The following CCDC91 variants were observed in gnomAD, a reference collection of about 807,000 sequenced individuals.
CCDC91 encodes the protein coiled-coil domain-containing protein 91.
CCDC91 carries 48 observed loss-of-function variants against 63.2 expected under a neutral mutation model. The ratio of observed to expected loss-of-function variants is 0.76; its 90% CI spans 0.60 to 0.97. CCDC91 has a LOEUF of 0.97. CCDC91 is among the 50% of genes least tolerant of loss of function. CCDC91 has a pLI of 0.00. For synonymous variants in CCDC91, 167 were observed against 165.8 expected (o/e 1.01, Z -0.06); for missense variants, 500 against 494.6 (o/e 1.01, Z -0.10).
chr12:28,308,395 T>G (rs1938968015), intron 6 of CCDC91, among the ~76,000 whole-genome samples: 1 of 152,030 alleles, frequency 6.6e-6, no homozygotes, highest in South Asian at 2.1e-4. Flanking sequence ...TTTTTGTCAC[T>G]GCCCACGTGC....
chr12:28,480,498 C>G (rs368818315), intron 11 of CCDC91, among the ~76,000 whole-genome samples: 10 of 152,026 alleles, frequency 6.6e-5, no homozygotes, highest in Non-Finnish European at 1.5e-4. Flanking sequence ...ATTTTTTACA[C>G]AAAGTAGGTA....
intron 12 of CCDC91, among the ~76,000 whole-genome samples, chr12:28,516,571 T>TC (rs1267647302): frequency 6.6e-6 from 1 of 151,860 alleles, no homozygotes; most frequent in Non-Finnish European, 1.5e-5. Flanking sequence ...GCCACTGTAC[T>TC]CCAGCCTGGG....
intron 11 of CCDC91, among the ~76,000 whole-genome samples, chr12:28,468,603 A>AT (rs1326746140): frequency 6.6e-6 from 1 of 151,996 alleles, no homozygotes; most frequent in Non-Finnish European, 1.5e-5. Flanking sequence ...TGAGGCCAGT[A>AT]TTACCCAATA....
chr12:28,447,819 AGGGAG>A (rs1565988646), intron 8 of CCDC91, among the ~76,000 whole-genome samples: 5 of 3,338 alleles, frequency 1.5e-3, no homozygotes, highest in Non-Finnish European at 2.8e-3. Context: ...AGGGAGGGGA[AGGGAG>A]GGGAGGGGAG....
intron 8 of CCDC91, among the ~76,000 whole-genome samples, chr12:28,449,706 AT>A (rs1204026575): frequency 2.6e-5 from 4 of 151,810 alleles, no homozygotes; most frequent in Admixed American, 2.0e-4. Context: ...AAATCTTTCA[AT>A]TTTTTTTAAC....
intron 6 of CCDC91, among the ~76,000 whole-genome samples, chr12:28,355,082 T>A (rs573161225): frequency 2.5e-4 from 38 of 152,226 alleles, no homozygotes; most frequent in African/African-American, 8.2e-4. Context: ...TCTTCCTACA[T>A]CGTTTTCTTC....
At chr12:28,402,086 A>G (rs1946657185) in intron 8 of CCDC91, among the ~76,000 whole-genome samples, 1 of 152,132 alleles carries the variant, frequency 6.6e-6, no homozygotes, top group South Asian at 2.1e-4. Flanking sequence ...CAGCATTGGC[A>G]TTATTGACAT....
intron 6 of CCDC91, among the ~76,000 whole-genome samples, chr12:28,358,377 G>A (rs1238233786): frequency 6.6e-6 from 1 of 152,192 alleles, no homozygotes; most frequent in African/African-American, 2.4e-5. Context: ...TCTCTCTGAT[G>A]AAGAAGGAAA....
At position 28,510,739 on chromosome 12, in the gene CCDC91, T is replaced by TTGAA. The variant is rs1939284872; in HGVS notation, c.1215+26575_1215+26578dup. On this transcript the variant is annotated intron_variant, in intron 12 of 12. Transcript: ENST00000536442. ...CATAAATTCATTTATCATGTATTTA[T>TTGAA]TGAACCTCTGTCTTGTATTTAATCT... is the stretch of plus-strand genomic sequence containing the variant. 2.0e-5 allele frequency among the ~76,000 whole-genome samples: 3 copies of TTGAA among 152,062 alleles called. No individual in the cohort carries two copies. The South Asian group carries it at 6.2e-4, about 32-fold the overall frequency.
chr12:28,197,800 C>A (rs945236255), intron 1 of CCDC91, among the ~76,000 whole-genome samples: 6 of 152,008 alleles, frequency 3.9e-5, no homozygotes, highest in African/African-American at 1.4e-4. Flanking sequence ...AAATTTATAT[C>A]CTCTTAAGTC....
chr12:28,542,787 ATT>A (rs539118566), intron 12 of CCDC91, among the ~76,000 whole-genome samples: 1 of 151,852 alleles, frequency 6.6e-6, no homozygotes, highest in Non-Finnish European at 1.5e-5. Context: ...ACTTAAAGGT[ATT>A]TTTTTTATTT....
At chr12:28,496,922 A>G (rs983115234) in intron 12 of CCDC91, among the ~76,000 whole-genome samples, 22 of 143,586 alleles carry the variant, frequency 1.5e-4, no homozygotes, top group African/African-American at 5.6e-4. Context: ...TATATAAGGT[A>G]TATATATACA....
At chr12:28,421,396 T>C (rs186279173) in intron 8 of CCDC91, among the ~76,000 whole-genome samples, 1 of 152,148 alleles carries the variant, frequency 6.6e-6, no homozygotes, top group East Asian at 1.9e-4. Flanking sequence ...GTGTCTATTG[T>C]TCCCTTCTTT....
At chr12:28,296,905 A>G (rs904330543) in intron 3 of CCDC91, among the ~76,000 whole-genome samples, 12 of 151,894 alleles carry the variant, frequency 7.9e-5, no homozygotes, top group African/African-American at 2.7e-4. Flanking sequence ...TGAGCATTGA[A>G]TAGGAAGATG....
intron 6 of CCDC91, among the ~76,000 whole-genome samples, chr12:28,330,459 G>C (rs1181977070): frequency 6.6e-6 from 1 of 151,500 alleles, no homozygotes; most frequent in Non-Finnish European, 1.5e-5. Context: ...TTTTTGATGG[G>C]GTTGTTTTTT....
intron 1 of CCDC91, chr12:28,236,599 C>T (rs946117758): frequency 2.0e-5 from 3 of 151,778 alleles, no homozygotes; most frequent in Non-Finnish European, 2.9e-5. Flanking sequence ...TAGAGTGATG[C>T]GTAGTCATTG....
intron 11 of CCDC91, among the ~76,000 whole-genome samples, chr12:28,481,790 C>A (rs1951462668): frequency 6.6e-6 from 1 of 151,898 alleles, no homozygotes; most frequent in Non-Finnish European, 1.5e-5. Context: ...AAATTTTGTA[C>A]TGTAAATGGT....
chr12:28,441,057 C>CAAAAAAAAAAAAAAAA (rs60278449), intron 8 of CCDC91, among the ~76,000 whole-genome samples: 30 of 52,702 alleles, frequency 5.7e-4, no homozygotes, highest in East Asian at 2.1e-3. Context: ...GACTCCATCT[C>CAAAAAAAAAAAAAAAA]AAAAAAAAAA....
intron 8 of CCDC91, among the ~76,000 whole-genome samples, chr12:28,439,126 A>T (rs1284687600): frequency 1.3e-5 from 2 of 152,054 alleles, no homozygotes; most frequent in African/African-American, 4.8e-5. Context: ...TTATTTGCTA[A>T]TTTTTTTCTC....
Sources: gnomAD v4.1 joint callset for allele counts (sites outside exome capture counted in the v4.1 genomes callset) on GRCh38, gnomAD v4.1.1 for gene constraint, MANE v1.5 for transcripts, NCBI Gene and HGNC (gene_info 2026-07-23, HGNC 2026-07-21) for gene names.